The following KCMF1 variants were observed in gnomAD, a reference collection of about 807,000 sequenced individuals.
The protein encoded by KCMF1 is potassium channel modulatory factor 1.
Under a neutral mutation model 41.1 loss-of-function variants are expected in KCMF1, and 3 were observed. The ratio of observed to expected loss-of-function variants is 0.07; its 90% CI spans 0.03 to 0.19. KCMF1 has a LOEUF of 0.19. Ranked by LOEUF, KCMF1 falls within the 10% of genes least tolerant of loss-of-function variation. The pLI is 1.00. For synonymous variants in KCMF1, 142 were observed against 164.5 expected, an observed-to-expected ratio of 0.86 and a Z score of 1.04; for missense variants, 286 against 488.9, an observed-to-expected ratio of 0.58 and a Z score of 3.91.
intron 2 of KCMF1, among the ~76,000 whole-genome samples, chr2:85,030,233 G>T (rs1574034671): frequency 6.6e-6 from 1 of 151,526 alleles, no homozygotes; most frequent in East Asian, 1.9e-4. Context: ...TATTCCTTAT[G>T]TAAGTTTTTT....
chr2:85,032,813 G>A (rs1052764469), intron 2 of KCMF1, among the ~76,000 whole-genome samples: 9 of 152,192 alleles, frequency 5.9e-5, no homozygotes, highest in Non-Finnish European at 1.2e-4. Flanking sequence ...ACCTCGCCCG[G>A]CGCCAAGAGT....
At chr2:85,025,884 C>T (rs1675091151) in intron 1 of KCMF1, among the ~76,000 whole-genome samples, 1 of 152,112 alleles carries the variant, frequency 6.6e-6, no homozygotes, top group African/African-American at 2.4e-5. Flanking sequence ...AACAGCTTTG[C>T]TTACTGCTTC....
intron 2 of KCMF1, among the ~76,000 whole-genome samples, chr2:85,029,331 C>T (rs1675204907): frequency 6.6e-6 from 1 of 152,058 alleles, no homozygotes; most frequent in Non-Finnish European, 1.5e-5. Context: ...CCTGTAATCC[C>T]AGCCCTTTGG....
At chr2:85,005,784 A>C (rs1674456314) in intron 1 of KCMF1, among the ~76,000 whole-genome samples, 1 of 152,164 alleles carries the variant, frequency 6.6e-6, no homozygotes, top group South Asian at 2.1e-4. Context: ...TGCTGGGATT[A>C]TAGGCATAAG....
chr2:85,024,355 C>T (rs1675030537), intron 1 of KCMF1, among the ~76,000 whole-genome samples: 1 of 152,146 alleles, frequency 6.6e-6, no homozygotes, highest in Non-Finnish European at 1.5e-5. Flanking sequence ...CGCCTATGAT[C>T]CCAACTCCTT....
intron 1 of KCMF1, among the ~76,000 whole-genome samples, chr2:84,987,985 C>T (rs1177840405): frequency 1.3e-5 from 2 of 152,086 alleles, no homozygotes; most frequent in Non-Finnish European, 2.9e-5. Context: ...CTTTGGGAGG[C>T]CGAGGCAGGC....
At chr2:84,998,566 G>A (rs1390759991) in intron 1 of KCMF1, among the ~76,000 whole-genome samples, 3 of 148,688 alleles carry the variant, frequency 2.0e-5, no homozygotes, top group South Asian at 2.1e-4. Context: ...CAGAGCCAAC[G>A]CCTTATTTAT....
chr2:85,037,724 A>G (rs961784093), intron 3 of KCMF1, among the ~76,000 whole-genome samples: 18 of 152,096 alleles, frequency 1.2e-4, no homozygotes, highest in Non-Finnish European at 1.9e-4. Flanking sequence ...TCTGTTTGCT[A>G]TCTTGCTTTG....
intron 1 of KCMF1, among the ~76,000 whole-genome samples, chr2:84,978,831 T>A (rs182948725): frequency 1.5e-3 from 226 of 152,266 alleles, no homozygotes; most frequent in Non-Finnish European, 2.2e-3. Context: ...TTCTCCTGCC[T>A]CAGCCTCCCG....
chr2:84,971,276 TC>T lies in KCMF1; in HGVS notation c.-172del. 1 of 147,316 alleles carries T rather than the reference TC, an allele frequency of 6.8e-6. No homozygotes were observed. The highest frequency in any genetic ancestry group is 1.4e-5 in the Non-Finnish European group (1 of 72,064). The allele number at this position is 147,316 out of a possible 1,614,324, so 9.1% of individuals were successfully genotyped here. Reference sequence around the variant, plus strand: ...GGCCCCATTCCCGCCCCGCGCCGCCTCCCCGCCGCCGCCGCCGCCGCCGCCG... The same window carrying T: ...GGCCCCATTCCCGCCCCGCGCCGCCTCCCGCCGCCGCCGCCGCCGCCGCCG... On this transcript the variant is annotated 5_prime_UTR_variant, in exon 1 of 7. Coordinates refer to ENST00000409785, the MANE Select transcript of KCMF1 (RefSeq NM_020122.5).
chr2:85,004,958 C>G (rs1394723445), intron 1 of KCMF1, among the ~76,000 whole-genome samples: 1 of 152,062 alleles, frequency 6.6e-6, no homozygotes, highest in African/African-American at 2.4e-5. Context: ...GCCTCAGCCT[C>G]TCAAGTAGCT....
intron 1 of KCMF1, among the ~76,000 whole-genome samples, chr2:84,988,784 T>G (rs948836041): frequency 6.6e-6 from 1 of 152,236 alleles, no homozygotes; most frequent in Non-Finnish European, 1.5e-5. Context: ...TCATGTTTAG[T>G]TGAGAAGCCA....
intron 4 of KCMF1, among the ~76,000 whole-genome samples, chr2:85,043,912 A>T (rs1675602749): frequency 6.6e-6 from 1 of 152,130 alleles, no homozygotes; most frequent in Admixed American, 6.6e-5. Flanking sequence ...TAATGTCCAA[A>T]TTATTTTTAC....
At chr2:84,989,961 A>C (rs550711148) in intron 1 of KCMF1, among the ~76,000 whole-genome samples, 1 of 152,222 alleles carries the variant, frequency 6.6e-6, no homozygotes, top group South Asian at 2.1e-4. Flanking sequence ...TGAATTGAGC[A>C]TTGGAGGAGC....
At chr2:85,004,633 T>A (rs1674421111) in intron 1 of KCMF1, among the ~76,000 whole-genome samples, 1 of 152,028 alleles carries the variant, frequency 6.6e-6, no homozygotes, top group Admixed American at 6.6e-5. Flanking sequence ...AACAACTGAA[T>A]TTTTTGGAGG....
intron 1 of KCMF1, among the ~76,000 whole-genome samples, chr2:85,000,227 G>A (rs1455468037): frequency 2.0e-5 from 3 of 152,018 alleles, no homozygotes; most frequent in Non-Finnish European, 4.4e-5. Flanking sequence ...CCAGGTTCAC[G>A]CCATTCTCCT....
intron 3 of KCMF1, among the ~76,000 whole-genome samples, chr2:85,039,919 TCTC>T: frequency 6.6e-6 from 1 of 152,138 alleles, no homozygotes; most frequent in South Asian, 2.1e-4. Flanking sequence ...TTCAAGCAAT[TCTC>T]CTGCCTCAGC....
rs182757864 is a variant in KCMF1 at position 84,992,867 on chromosome 2, G to A, written c.16+21400G>A. Among the ~76,000 whole-genome samples the A allele has an allele frequency of 5.3e-5, 8 of 152,104 alleles. No individual in the cohort carries two copies. In the East Asian group the frequency reaches 7.8e-4, roughly 15 times the overall value. On this transcript the variant is annotated intron_variant, in intron 1 of 6. Transcript: ENST00000409785. ...GATCTCCTGACCTTGTGATCCGCCC[G>A]CCTCGGCCTCCCAAAGTGCTGAGAT...
intron 1 of KCMF1, chr2:84,971,900 A>C (rs1442193405): frequency 6.6e-6 from 1 of 151,844 alleles, no homozygotes; most frequent in Non-Finnish European, 1.5e-5. Flanking sequence ...CGCGGGCGGC[A>C]GCAGGAGGCA....
Sources: gnomAD v4.1 joint callset for allele counts (sites outside exome capture counted in the v4.1 genomes callset) on GRCh38, gnomAD v4.1.1 for gene constraint, MANE v1.5 for transcripts, NCBI Gene and HGNC (gene_info 2026-07-23, HGNC 2026-07-21) for gene names.